The following GPHN variants were observed in gnomAD, a reference collection of about 807,000 sequenced individuals.
The protein encoded by GPHN is gephyrin.
Under a neutral mutation model 95.5 loss-of-function variants are expected in GPHN, and 17 were observed. That is an observed-to-expected ratio of 0.18 (90% CI 0.12 to 0.27). The LOEUF (loss-of-function observed/expected upper bound fraction) is 0.27, where lower values mean the gene tolerates loss of function less well. GPHN is among the 10% of genes least tolerant of loss of function. The pLI, the probability that GPHN is intolerant of heterozygous loss-of-function variation, is 1.00. For synonymous variants in GPHN, 320 were observed against 322.5 expected, an observed-to-expected ratio of 0.99 and a Z score of 0.08; for missense variants, 660 against 978.1, an observed-to-expected ratio of 0.67 and a Z score of 4.34.
the GPHN span, among the ~76,000 whole-genome samples, chr14:67,424,648 A>C: frequency 6.7e-6 from 1 of 149,924 alleles, no homozygotes; most frequent in South Asian, 2.1e-4. Flanking sequence ...GCCCACCCCT[A>C]GTCTTCCTTC....
chr14:67,714,155 A>C, the GPHN span, among the ~76,000 whole-genome samples: 1 of 152,188 alleles, frequency 6.6e-6, no homozygotes, highest in Admixed American at 6.5e-5. Flanking sequence ...TTTACTTTTG[A>C]GACAGGGTCT....
Position 66,965,271 on chromosome 14 carries a change from G to A in GPHN, c.909G>A (p.Ser303=), listed in dbSNP as rs753770263. The A allele has an allele frequency of 2.1e-5, 34 of 1,613,070 alleles. No individual in the cohort carries two copies. Among genetic ancestry groups the A allele is most frequent in the South Asian group, 2.1e-4 (19 of 91,026 alleles). ...TASLSTTPSE[S]PRAQATSRLS... ...CCCTCAGCACTACTCCTTCAGAATC[G>A]CCTCGTGCTCAGGCTACATCTCGCC... Residue 303 remains serine, a synonymous_variant, in exon 9 of 23, where the codon TCG becomes TCA. Transcript: ENST00000478722.
the GPHN span, among the ~76,000 whole-genome samples, chr14:67,453,669 T>C: frequency 1.3e-5 from 2 of 152,138 alleles, no homozygotes; most frequent in African/African-American, 4.8e-5. Context: ...AGAGCTGGGA[T>C]GAGAAGCAGC....
At chr14:67,012,645 G>A (rs970819730) in intron 9 of GPHN, among the ~76,000 whole-genome samples, 2 of 152,128 alleles carry the variant, frequency 1.3e-5, no homozygotes, top group South Asian at 2.1e-4. Flanking sequence ...AGAAAAACAT[G>A]TATTTGTCCT....
At chr14:67,557,407 C>G in the GPHN span, 1 of 1,613,234 alleles carries the variant, frequency 6.2e-7, no homozygotes, top group Admixed American at 1.7e-5. Context: ...AGAGGCTCAG[C>G]TGGAGAAGCA....
At position 66,931,307 on chromosome 14, in the gene GPHN, T is replaced by A. The variant is rs191844277; in HGVS notation, c.828+7015T>A. On this transcript the variant is annotated intron_variant, in intron 8 of 22. Transcript: ENST00000478722. ...TTATCCTTGATCTTTGGGAGCTTGA[T>A]TATTAAGTGTCTTGAGGTGGTCTTC... 3.2e-4 allele frequency among the ~76,000 whole-genome samples: 48 copies of A among 152,286 alleles called. No individual in the cohort carries two copies. The East Asian group carries it at 9.1e-3, about 29-fold the overall frequency.
rs146227136 is a variant in GPHN, at chr14:66,648,152, T to C, written c.65-32955T>C. On this transcript the variant is annotated intron_variant, in intron 1 of 22. Coordinates refer to ENST00000478722, the MANE Select transcript of GPHN (RefSeq NM_020806.5). Reference sequence around the variant, plus strand: ...TCACTTGGAGATATTCTATAGTGCTTTGACTCTGGTTTACTACTGTGCCCA... The same window carrying C: ...TCACTTGGAGATATTCTATAGTGCTCTGACTCTGGTTTACTACTGTGCCCA... Among the ~76,000 whole-genome samples, 10 of 152,320 alleles carry C rather than the reference T, an allele frequency of 6.6e-5. No homozygotes were observed. The East Asian group carries it at 1.9e-3, about 29-fold the overall frequency.
chr14:67,208,410 C>G, the GPHN span: 4 of 1,613,906 alleles, frequency 2.5e-6, no homozygotes, highest in East Asian at 6.7e-5. Context: ...GAAAAGATGC[C>G]TGATTTTCAG....
intron 9 of GPHN, among the ~76,000 whole-genome samples, chr14:67,004,624 C>T (rs1022801820): frequency 2.6e-5 from 4 of 151,632 alleles, no homozygotes; most frequent in Non-Finnish European, 5.9e-5. Context: ...ATTCTTGAGT[C>T]CTGTGTTCAC....
intron 20 of GPHN, among the ~76,000 whole-genome samples, chr14:67,168,364 G>T (rs1339129326): frequency 6.6e-6 from 1 of 151,936 alleles, no homozygotes; most frequent in Non-Finnish European, 1.5e-5. Context: ...CAATCATATT[G>T]GAGTTATAGC....
intron 5 of GPHN, among the ~76,000 whole-genome samples, chr14:66,912,672 A>G (rs1377082168): frequency 1.3e-5 from 2 of 152,146 alleles, no homozygotes; most frequent in Non-Finnish European, 2.9e-5. Flanking sequence ...GAATCCATGT[A>G]TCATCTCCAA....
chr14:67,018,079 C>T (rs1044001748), intron 9 of GPHN, among the ~76,000 whole-genome samples: 1 of 152,162 alleles, frequency 6.6e-6, no homozygotes, highest in Admixed American at 6.5e-5. Context: ...CTTGGGGACT[C>T]ATATCAGTAA....
At chr14:66,568,536 T>C (rs1316143345) in intron 1 of GPHN, among the ~76,000 whole-genome samples, 1 of 151,898 alleles carries the variant, frequency 6.6e-6, no homozygotes, top group Non-Finnish European at 1.5e-5. Context: ...ATTTGATTGC[T>C]GCTTTATTCA....
the GPHN span, among the ~76,000 whole-genome samples, chr14:67,436,720 T>C: frequency 1.3e-5 from 2 of 152,188 alleles, no homozygotes; most frequent in African/African-American, 4.8e-5. Flanking sequence ...TGCAGTGAGC[T>C]GCCCTCTGGA....
chr14:67,340,484 A>C, the GPHN span: 1 of 1,613,858 alleles, frequency 6.2e-7, no homozygotes, highest in Non-Finnish European at 8.5e-7. Flanking sequence ...CTGTGATGAT[A>C]TAAGCAAGAG....
chr14:67,191,246 C>T, the GPHN span, among the ~76,000 whole-genome samples: 1 of 152,100 alleles, frequency 6.6e-6, no homozygotes, highest in Non-Finnish European at 1.5e-5. Context: ...AAAAAAACAG[C>T]CATCATGTAA....
chr14:67,566,142 C>T, the GPHN span, among the ~76,000 whole-genome samples: 8 of 152,062 alleles, frequency 5.3e-5, no homozygotes, highest in Non-Finnish European at 8.8e-5. Flanking sequence ...AATGCTGGTT[C>T]GGGAGGCACA....
chr14:66,653,944 C>T (rs1211365658), intron 1 of GPHN, among the ~76,000 whole-genome samples: 1 of 152,070 alleles, frequency 6.6e-6, no homozygotes, highest in African/African-American at 2.4e-5. Flanking sequence ...TCCAGGGGTG[C>T]AATAGCAGAG....
intron 18 of GPHN, among the ~76,000 whole-genome samples, chr14:67,150,648 T>C (rs1456807859): frequency 6.6e-6 from 1 of 152,074 alleles, no homozygotes; most frequent in Non-Finnish European, 1.5e-5. Flanking sequence ...TTAAGATTGA[T>C]GTAAATAAGA....
Sources: gnomAD v4.1 joint callset for allele counts (sites outside exome capture counted in the v4.1 genomes callset) on GRCh38, gnomAD v4.1.1 for gene constraint, MANE v1.5 for transcripts, NCBI Gene and HGNC (gene_info 2026-07-23, HGNC 2026-07-21) for gene names.